KANSL1L: variants seen among roughly 807,000 people sequenced by gnomAD.
KANSL1L encodes KAT8 regulatory NSL complex subunit 1-like protein.
A neutral mutation model predicts 108.6 loss-of-function variants in KANSL1L; 25 were observed. The observed-to-expected ratio is 0.23, with a 90% CI of 0.17 to 0.32. KANSL1L has a LOEUF of 0.32. Among genes scored for constraint, KANSL1L ranks in the 10% least tolerant of loss-of-function variants. The pLI, the probability that KANSL1L is intolerant of heterozygous loss-of-function variation, is 1.00. For synonymous variants in KANSL1L, 405 were observed against 395.1 expected, an observed-to-expected ratio of 1.03 and a Z score of -0.30; for missense variants, 1,137 against 1,125.7, an observed-to-expected ratio of 1.01 and a Z score of -0.14.
chr2:210,149,954 T>C (rs2095290859), intron 2 of KANSL1L, among the ~76,000 whole-genome samples: 1 of 150,300 alleles, frequency 6.7e-6, no homozygotes, highest in African/African-American at 2.4e-5. Flanking sequence ...ATAAAAAATA[T>C]AAAGAGCTGT....
chr2:210,137,486 C>T (rs572508954), intron 2 of KANSL1L, among the ~76,000 whole-genome samples: 2 of 152,096 alleles, frequency 1.3e-5, no homozygotes, highest in Admixed American at 6.5e-5. Context: ...CCAAATACGT[C>T]ACAAATTTAC....
At chr2:210,084,197 A>G (rs1191810824) in intron 5 of KANSL1L, among the ~76,000 whole-genome samples, 2 of 152,090 alleles carry the variant, frequency 1.3e-5, no homozygotes, top group African/African-American at 4.8e-5. Context: ...CGACACAAGC[A>G]GATTGCCTGA....
rs141554310 is a variant in KANSL1L at position 210,138,571 on chromosome 2, T to C, written c.1089-9399A>G. Among the ~76,000 whole-genome samples the C allele has an allele frequency of 4.8e-3, 738 of 152,328 alleles. 4 individuals are homozygous for C. The highest frequency in any genetic ancestry group is 0.017 in the African/African-American group (699 of 41,574). Reference sequence around the variant, plus strand: ...TAGATTTGTCTAAGGAAGCTTAACATTGGGACTTACGCTTTTTAAAAATCT... The same window carrying C: ...TAGATTTGTCTAAGGAAGCTTAACACTGGGACTTACGCTTTTTAAAAATCT... On this transcript the variant is annotated intron_variant, in intron 2 of 14. Coordinates refer to ENST00000281772, the MANE Select transcript of KANSL1L (RefSeq NM_152519.4).
intron 8 of KANSL1L, among the ~76,000 whole-genome samples, chr2:210,038,449 G>T (rs1274233038): frequency 6.6e-6 from 1 of 151,982 alleles, no homozygotes; most frequent in Non-Finnish European, 1.5e-5. Flanking sequence ...TACTATAGTT[G>T]TGCCAAAATT....
intron 1 of KANSL1L, among the ~76,000 whole-genome samples, chr2:210,158,701 T>TAAA (rs11318111): frequency 1.5e-5 from 2 of 136,806 alleles, no homozygotes. Context: ...TGTATCCTTA[T>TAAA]AAAAAAAAAA....
At chr2:210,084,261 A>C (rs999045607) in intron 5 of KANSL1L, among the ~76,000 whole-genome samples, 1 of 152,094 alleles carries the variant, frequency 6.6e-6, no homozygotes, top group Non-Finnish European at 1.5e-5. Context: ...GTCTCTACTA[A>C]AAATACAAAA....
At chr2:210,141,844 A>G (rs1169414155) in intron 2 of KANSL1L, among the ~76,000 whole-genome samples, 1 of 152,122 alleles carries the variant, frequency 6.6e-6, no homozygotes, top group Non-Finnish European at 1.5e-5. Context: ...AATGTGGTGT[A>G]TCCTACTTAT....
intron 1 of KANSL1L, among the ~76,000 whole-genome samples, chr2:210,170,946 C>T (rs1195407366): frequency 6.8e-6 from 1 of 147,938 alleles, no homozygotes; most frequent in Non-Finnish European, 1.5e-5. Context: ...AATTTGGCTG[C>T]GGTCAGACCC....
In KANSL1L at chr2:210,092,755, T is replaced by A. The variant is rs541514587; in HGVS notation, c.1550+5331A>T. Reference sequence around the variant, plus strand: ...CCCTTGGCAAATTATTCATGAGGATTTCCCTAGGCTAAAAAAGGTGCCTTC... The same window carrying A: ...CCCTTGGCAAATTATTCATGAGGATATCCCTAGGCTAAAAAAGGTGCCTTC... On this transcript the variant is annotated intron_variant, in intron 5 of 14. Transcript: ENST00000281772. Among the ~76,000 whole-genome samples the A allele has an allele frequency of 1.4e-4, 21 of 152,284 alleles. No homozygotes were observed. The South Asian group carries it at 3.9e-3, about 29-fold the overall frequency.
chr2:210,154,081 G>C lies in KANSL1L; in HGVS notation c.502C>G (p.Leu168Val), dbSNP rs1285797593. The C allele has an allele frequency of 6.2e-7, 1 of 1,613,250 alleles. No homozygotes were observed. The highest frequency in any genetic ancestry group is 1.3e-5 in the African/African-American group (1 of 74,874). ...TCTTGATACCATTTACAGTTTTGTA[G>C]TTGTACTTTATCTACATTAGTGTCT... ...TKDTNVDKVQLQNCKWYQENA... is the reference protein window; with the variant it reads ...TKDTNVDKVQVQNCKWYQENA... The change falls in exon 2 of 15, where the codon CTA (leucine) becomes GTA (valine). Residue 168 changes from leucine (L) to valine (V), a missense_variant. Around this residue, in one of 3 missense-constraint regions of KANSL1L, gnomAD observed 556 missense variants for 537.7 expected, o/e 1.03. Transcript: ENST00000281772.
intron 6 of KANSL1L, among the ~76,000 whole-genome samples, chr2:210,068,981 G>A (rs929685471): frequency 6.6e-6 from 1 of 152,110 alleles, no homozygotes; most frequent in African/African-American, 2.4e-5. Context: ...AATAGCCTGA[G>A]AATTTTCCAA....
Position 210,022,808 on chromosome 2 carries a change from T to C in KANSL1L, c.*141A>G, listed in dbSNP as rs565963819. ...GGTTCCAGAAGGAAAAACAGACTTA[T>C]CTTGCCTGTTTCATAAACAGCATAA... On this transcript the variant is annotated 3_prime_UTR_variant, in exon 15 of 15. Transcript: ENST00000281772. 12 of 644,112 alleles carry C rather than the reference T, an allele frequency of 1.9e-5. No individual in the cohort carries two copies. Among genetic ancestry groups the C allele is most frequent in the African/African-American group, 1.5e-4 (8 of 54,546 alleles). The allele number at this position is 644,112 out of a possible 1,614,324, so 39.9% of individuals were successfully genotyped here. A position where few individuals can be genotyped will look rare whatever the true frequency, so the allele number is the denominator to read the frequency against.
Position 210,101,657 on chromosome 2 carries a change from T to C in KANSL1L, c.1428+2447A>G, listed in dbSNP as rs531235420. On this transcript the variant is annotated intron_variant, in intron 4 of 14. Transcript: ENST00000281772. ...AACAAAAACTAATTTAAATCAATGC[T>C]TATATGGTCAAGTGCATTATAATTT... Among the ~76,000 whole-genome samples, 11 of 152,284 alleles carry C rather than the reference T, an allele frequency of 7.2e-5. No individual in the cohort carries two copies. The South Asian group carries it at 2.3e-3, about 32-fold the overall frequency.
In KANSL1L at chr2:210,043,710, A is replaced by G. The variant is rs1323867446; in HGVS notation, c.1921+229T>C. The G allele has an allele frequency of 8.3e-5, 29 of 348,782 alleles. No homozygotes were observed. The East Asian group carries it at 1.3e-3, about 15-fold the overall frequency. The allele number at this position is 348,782 out of a possible 1,614,324, so 21.6% of individuals were successfully genotyped here. ...CCTAGTAATTTCCCAAAGTAAATCAAGTTGGTTTAGAAGGAATTAAAGAAT... is the reference window on the plus strand; with the variant it reads ...CCTAGTAATTTCCCAAAGTAAATCAGGTTGGTTTAGAAGGAATTAAAGAAT... On this transcript the variant is annotated intron_variant, in intron 7 of 14. Coordinates refer to ENST00000281772, the MANE Select transcript of KANSL1L (RefSeq NM_152519.4).
chr2:210,125,274 G>T (rs2095056243), intron 3 of KANSL1L, among the ~76,000 whole-genome samples: 1 of 151,858 alleles, frequency 6.6e-6, no homozygotes, highest in Admixed American at 6.6e-5. Context: ...GAAAAGAAAA[G>T]AAAATTTGAA....
chr2:210,111,711 CTTT>C (rs558766388), intron 3 of KANSL1L, among the ~76,000 whole-genome samples: 1 of 150,712 alleles, frequency 6.6e-6, no homozygotes, highest in Non-Finnish European at 1.5e-5. Context: ...CTTTTTTTTT[CTTT>C]TTTTTAACTT....
At chr2:210,160,360 A>C (rs2095355455) in intron 1 of KANSL1L, among the ~76,000 whole-genome samples, 1 of 152,168 alleles carries the variant, frequency 6.6e-6, no homozygotes, top group Non-Finnish European at 1.5e-5. Flanking sequence ...GAAAAAAAAA[A>C]GAAATAAAAA....
At chr2:210,026,723 G>A (rs962821295) in intron 12 of KANSL1L, among the ~76,000 whole-genome samples, 3 of 152,122 alleles carry the variant, frequency 2.0e-5, no homozygotes, top group Admixed American at 6.6e-5. Flanking sequence ...GGATATTCAC[G>A]TAAATTCAGT....
intron 8 of KANSL1L, among the ~76,000 whole-genome samples, chr2:210,037,313 TG>T (rs1229725080): frequency 1.3e-5 from 2 of 152,210 alleles, no homozygotes; most frequent in African/African-American, 4.8e-5. Context: ...TCCTAGCTGT[TG>T]GCCATGATAC....
Sources: gnomAD v4.1 joint callset for allele counts (sites outside exome capture counted in the v4.1 genomes callset) on GRCh38, gnomAD v4.1.1 for gene constraint, gnomAD v4.1.1 regional missense constraint, MANE v1.5 for transcripts, NCBI Gene and HGNC (gene_info 2026-07-23, HGNC 2026-07-21) for gene names.